The following MARCHF11 variants were observed in gnomAD, a reference collection of about 807,000 sequenced individuals.
MARCHF11 encodes E3 ubiquitin-protein ligase MARCHF11.
MARCHF11 carries 29 observed loss-of-function variants against 37.3 expected under a neutral mutation model. The ratio of observed to expected loss-of-function variants is 0.78; its 90% CI spans 0.58 to 1.06. The LOEUF is 1.06. Ranked by LOEUF, MARCHF11 falls within the 50% of genes least tolerant of loss-of-function variation. The pLI is 0.00. For missense variants in MARCHF11, 482 were observed against 533.4 expected (o/e 0.90, Z 0.95); for synonymous variants, 233 against 228.0 (o/e 1.02, Z -0.20).
In MARCHF11 at chr5:16,179,375, C is replaced by T; in HGVS notation, c.201G>A (p.Glu67=). Reference sequence around the variant, plus strand: ...ACCGCGGGGCCACCTCCCCTAGCGGCTCGCTTGGCCCCGCGGCGCGCTCGG... The same window carrying T: ...ACCGCGGGGCCACCTCCCCTAGCGGTTCGCTTGGCCCCGCGGCGCGCTCGG... ...ETPERAAGPS[E]PLGEVAPRCR... is the part of the protein sequence containing the mutation. Residue 67 remains glutamate, a synonymous_variant, in exon 1 of 4, where the codon GAG becomes GAA. Transcript: ENST00000332432. 1.7e-6 allele frequency: 2 copies of T among 1,163,586 alleles called. No homozygotes were observed. Among genetic ancestry groups the T allele is most frequent in the Non-Finnish European group, 2.1e-6 (2 of 944,738 alleles). 72.1% of individuals were successfully genotyped at this position (1,163,586 alleles called of 1,614,324 possible). A position where few individuals can be genotyped will look rare whatever the true frequency, so the allele number is the denominator to read the frequency against.
chr5:16,109,470 C>G (rs1046005050), intron 2 of MARCHF11, among the ~76,000 whole-genome samples: 1 of 152,224 alleles, frequency 6.6e-6, no homozygotes, highest in African/African-American at 2.4e-5. Flanking sequence ...ACGCATGGAG[C>G]TGCCCGGAGG....
intron 2 of MARCHF11, among the ~76,000 whole-genome samples, chr5:16,167,143 T>G (rs1380168893): frequency 7.8e-6 from 1 of 128,354 alleles, no homozygotes; most frequent in Non-Finnish European, 1.6e-5. Flanking sequence ...AGTTGGGAAC[T>G]GTCTGTATAC....
At position 16,130,897 on chromosome 5, in the gene MARCHF11, A is replaced by T. The variant is rs16868124; in HGVS notation, c.694-39816T>A. 4.0e-3 allele frequency among the ~76,000 whole-genome samples: 612 copies of T among 152,334 alleles called. 3 individuals carry two copies. The highest frequency in any genetic ancestry group is 0.014 in the African/African-American group (589 of 41,574). ...CTAACTCTTTTTGTATCTGACACAA[A>T]TTATTTTAATGCATATGCCTGAAGG... On this transcript the variant is annotated intron_variant, in intron 2 of 3. Transcript: ENST00000332432.
intron 2 of MARCHF11, among the ~76,000 whole-genome samples, chr5:16,105,110 T>C (rs375089660): frequency 2.4e-4 from 37 of 152,242 alleles, no homozygotes; most frequent in African/African-American, 8.2e-4. Context: ...TAATCACCAG[T>C]GTGTCTGGGC....
intron 3 of MARCHF11, among the ~76,000 whole-genome samples, chr5:16,070,061 G>A (rs977337109): frequency 6.6e-6 from 1 of 152,144 alleles, no homozygotes; most frequent in East Asian, 1.9e-4. Context: ...GTAAACTTCT[G>A]TTCATCATAA....
chr5:16,112,243 G>A (rs112366476), intron 2 of MARCHF11, among the ~76,000 whole-genome samples: 3,766 of 152,256 alleles, frequency 0.025, 175 homozygotes, highest in African/African-American at 0.086. Flanking sequence ...AGCTTGCACT[G>A]TGTACCTGAA....
At chr5:16,138,002 G>T (rs919513227) in intron 2 of MARCHF11, among the ~76,000 whole-genome samples, 5 of 152,192 alleles carry the variant, frequency 3.3e-5, no homozygotes, top group African/African-American at 1.2e-4. Flanking sequence ...GAGCATAAAA[G>T]TTCAGGAAAT....
intron 2 of MARCHF11, among the ~76,000 whole-genome samples, chr5:16,151,878 G>T (rs1183257896): frequency 6.9e-6 from 1 of 145,712 alleles, no homozygotes; most frequent in African/African-American, 2.8e-5. Context: ...TTTTGTTGTT[G>T]TTGTTTTGTC....
chr5:16,117,192 G>A (rs1737238485), intron 2 of MARCHF11, among the ~76,000 whole-genome samples: 1 of 152,154 alleles, frequency 6.6e-6, no homozygotes, highest in African/African-American at 2.4e-5. Context: ...ACACAGAGGA[G>A]GGGGTCTAGC....
chr5:16,089,748 A>G (rs546383181), intron 3 of MARCHF11, among the ~76,000 whole-genome samples: 1 of 152,366 alleles, frequency 6.6e-6, no homozygotes, highest in South Asian at 2.1e-4. Flanking sequence ...AAGTTATTCA[A>G]TGTTTCCAAC....
intron 2 of MARCHF11, among the ~76,000 whole-genome samples, chr5:16,152,844 C>G (rs1312577114): frequency 1.3e-5 from 2 of 151,938 alleles, no homozygotes; most frequent in African/African-American, 4.8e-5. Flanking sequence ...GATTAAGCAC[C>G]AATAATGTCA....
At chr5:16,076,422 C>A (rs188257503) in intron 3 of MARCHF11, among the ~76,000 whole-genome samples, 3 of 151,958 alleles carry the variant, frequency 2.0e-5, no homozygotes, top group Non-Finnish European at 4.4e-5. Context: ...AATGAAAGAA[C>A]AAGTCCAATA....
intron 1 of MARCHF11, 21 bp downstream of exon 1, chr5:16,179,018 C>A: frequency 7.0e-7 from 1 of 1,426,704 alleles, no homozygotes; most frequent in South Asian, 1.4e-5. Flanking sequence ...CCGGCTGCCT[C>A]GGGGTCTCGC....
At chr5:16,160,004 A>G (rs1190811433) in intron 2 of MARCHF11, among the ~76,000 whole-genome samples, 3 of 151,926 alleles carry the variant, frequency 2.0e-5, no homozygotes, top group Non-Finnish European at 4.4e-5. Flanking sequence ...AAAATAAAAT[A>G]CCATCTTCGA....
chr5:16,093,179 T>A (rs939620287), intron 2 of MARCHF11, among the ~76,000 whole-genome samples: 9 of 152,194 alleles, frequency 5.9e-5, no homozygotes, highest in African/African-American at 2.2e-4. Flanking sequence ...GTGGGCCGCA[T>A]GTTCGAAATG....
At chr5:16,112,448 T>G (rs1312009821) in intron 2 of MARCHF11, among the ~76,000 whole-genome samples, 1 of 152,206 alleles carries the variant, frequency 6.6e-6, no homozygotes, top group African/African-American at 2.4e-5. Context: ...GATTCTGGAC[T>G]TGCATGGGGT....
Position 16,146,255 on chromosome 5 carries a change from G to C in MARCHF11, c.693+31471C>G, listed in dbSNP as rs747560723. Among the ~76,000 whole-genome samples the C allele has an allele frequency of 8.9e-4, 136 of 152,048 alleles. 4 individuals carry two copies. The highest frequency in any genetic ancestry group is 2.1e-4 in the Non-Finnish European group (14 of 68,020). On this transcript the variant is annotated intron_variant, in intron 2 of 3. Transcript: ENST00000332432. ...GCAGGCAGTGTCCCTATGACCTCTC[G>C]CAGTGGGCTTCTTTATATTACACCA...
intron 2 of MARCHF11, among the ~76,000 whole-genome samples, chr5:16,137,988 A>C (rs2126589325): frequency 6.6e-6 from 1 of 152,342 alleles, no homozygotes; most frequent in South Asian, 2.1e-4. Context: ...TTAAGAGCGA[A>C]GCAGAGCATA....
chr5:16,178,023 T>G, intron 1 of MARCHF11, 142 bp from the exon 2 acceptor site: 53 of 667,094 alleles, frequency 7.9e-5, no homozygotes, highest in Non-Finnish European at 1.1e-4. Flanking sequence ...TAAAATTTTA[T>G]ACCTCTGATG....
Sources: allele counts gnomAD v4.1 joint callset (sites outside exome capture counted in the v4.1 genomes callset), GRCh38; gene constraint gnomAD v4.1.1; transcripts MANE v1.5; gene names NCBI Gene and HGNC (gene_info 2026-07-23, HGNC 2026-07-21).